PAK2: variants seen among roughly 807,000 people sequenced by gnomAD.
PAK2 encodes the protein serine/threonine-protein kinase PAK 2.
In PAK2, 21 loss-of-function variants were observed where a neutral mutation model predicts 65.9. The observed-to-expected ratio is 0.32, with a 90% CI of 0.23 to 0.46. The LOEUF (loss-of-function observed/expected upper bound fraction) is 0.46, where lower values mean the gene tolerates loss of function less well. Among genes scored for constraint, PAK2 ranks in the 20% least tolerant of loss-of-function variants. The probability of loss-of-function intolerance (pLI) is 1.00; values close to 1 mark genes in which losing one functional copy is unlikely to be tolerated. For synonymous variants in PAK2, 204 were observed against 219.7 expected (o/e 0.93, Z 0.63); for missense variants, 324 against 642.6 (o/e 0.50, Z 5.36).
chr3:196,797,607 C>T (rs1285528041), intron 2 of PAK2, among the ~76,000 whole-genome samples: 1 of 151,920 alleles, frequency 6.6e-6, no homozygotes, highest in Non-Finnish European at 1.5e-5. Context: ...CAAAAATTAG[C>T]CAGGCGTGGT....
intron 1 of PAK2, among the ~76,000 whole-genome samples, chr3:196,742,739 C>G (rs1475676375): frequency 6.6e-6 from 1 of 151,990 alleles, no homozygotes; most frequent in Non-Finnish European, 1.5e-5. Flanking sequence ...ACAGTGAAAC[C>G]CCGTCTCTAC....
chr3:196,811,210 CCCTTCCCTCCCTCCCTTCCCTTCCCTT>C (rs1560113532), intron 8 of PAK2, among the ~76,000 whole-genome samples: 2 of 61,832 alleles, frequency 3.2e-5, no homozygotes, highest in Non-Finnish European at 5.8e-5. Flanking sequence ...TCCCTTCCTT[CCCTTCCCTCCCTCCCTTCCCTTCCCTT>C]CCTTCCCTCC....
chr3:196,820,090 G>A lies in PAK2; in HGVS notation c.1154-281G>A, dbSNP rs940001979. ...GTGTCTACTTTTGCTTTACTTTTTC[G>A]TAGACCTCTTTCAGTTTTATTAAAT... On this transcript the variant is annotated intron_variant, in intron 12 of 14. Coordinates refer to ENST00000327134, the MANE Select transcript of PAK2 (RefSeq NM_002577.4). This position sits in a 1 kb window ranked among gnomAD's most constrained non-coding sequence, Gnocchi z 4.6. Among the ~76,000 whole-genome samples the A allele has an allele frequency of 1.3e-4, 20 of 151,954 alleles. No homozygotes were observed. The highest frequency in any genetic ancestry group is 1.9e-4 in the African/African-American group (8 of 41,378).
At chr3:196,818,336 G>A (rs751797867) in intron 12 of PAK2, among the ~76,000 whole-genome samples, 180 bp downstream of exon 12, 35 of 152,192 alleles carry the variant, frequency 2.3e-4, no homozygotes, top group Middle Eastern at 3.4e-3. Flanking sequence ...GAAAGGACTC[G>A]CTGGATAAGA....
chr3:196,802,672 G>A (rs759175318), intron 3 of PAK2, among the ~76,000 whole-genome samples: 23 of 151,874 alleles, frequency 1.5e-4, no homozygotes, highest in South Asian at 2.1e-4. Context: ...GTGAAACCCC[G>A]TCTCTACTAA....
At chr3:196,762,316 A>G (rs1389237064) in intron 1 of PAK2, among the ~76,000 whole-genome samples, 38 of 134,378 alleles carry the variant, frequency 2.8e-4, no homozygotes, top group African/African-American at 7.3e-4. Flanking sequence ...AGAGGCTGCA[A>G]TCTCGGCACT....
intron 8 of PAK2, among the ~76,000 whole-genome samples, chr3:196,811,218 TCCCTCCCTTCCCTTCCC>T (rs1715783634): frequency 8.1e-5 from 1 of 12,398 alleles, no homozygotes; most frequent in African/African-American, 3.6e-4. Context: ...TTCCCTTCCC[TCCCTCCCTTCCCTTCCC>T]TTCCTTCCCT....
chr3:196,818,038 G>A lies in PAK2; in HGVS notation c.1054-19G>A. On this transcript the variant is annotated intron_variant, in intron 11 of 14. Transcript: ENST00000327134. ...TTTTCAGGGACTATTTCATTAATAGGTGTTTTTCTTCTGTTCAGTGTTTAC... is the reference window on the plus strand; with the variant it reads ...TTTTCAGGGACTATTTCATTAATAGATGTTTTTCTTCTGTTCAGTGTTTAC... 1.0e-6 allele frequency: 1 copy of A among 979,078 alleles called. No homozygotes were observed. 60.6% of individuals were successfully genotyped at this position (979,078 alleles called of 1,614,324 possible).
At chr3:196,751,081 C>T (rs1210735679) in intron 1 of PAK2, among the ~76,000 whole-genome samples, 1 of 152,106 alleles carries the variant, frequency 6.6e-6, no homozygotes, top group Non-Finnish European at 1.5e-5. Flanking sequence ...AATCTGTTTT[C>T]TGTCTCAATG....
At chr3:196,752,766 A>G (rs965942327) in intron 1 of PAK2, among the ~76,000 whole-genome samples, 2 of 151,918 alleles carry the variant, frequency 1.3e-5, no homozygotes, top group South Asian at 2.1e-4. Context: ...ACGCCTGGCT[A>G]ATTTTTATAT....
chr3:196,783,758 T>C (rs897464437), intron 2 of PAK2, among the ~76,000 whole-genome samples: 1 of 152,142 alleles, frequency 6.6e-6, no homozygotes. Flanking sequence ...TTATAACATA[T>C]CTAGTCACCC....
chr3:196,766,234 C>T (rs1435435044), intron 1 of PAK2, among the ~76,000 whole-genome samples: 2 of 152,118 alleles, frequency 1.3e-5, no homozygotes, highest in African/African-American at 2.4e-5. Context: ...CTTCTCAAAA[C>T]TTAGTACCTT....
At chr3:196,799,843 G>A (rs1258243529) in intron 2 of PAK2, among the ~76,000 whole-genome samples, 2 of 152,198 alleles carry the variant, frequency 1.3e-5, no homozygotes, top group East Asian at 3.9e-4. Flanking sequence ...TGAACTCCTG[G>A]CCTTATGTGA....
At chr3:196,828,045 A>G (rs1035386893) in intron 14 of PAK2, among the ~76,000 whole-genome samples, 5 of 143,616 alleles carry the variant, frequency 3.5e-5, no homozygotes, top group Non-Finnish European at 7.6e-5. Flanking sequence ...CATCGTATCA[A>G]TCCTCAGACC....
intron 1 of PAK2, among the ~76,000 whole-genome samples, chr3:196,758,860 G>A (rs1039272427): frequency 3.3e-5 from 5 of 152,032 alleles, no homozygotes; most frequent in Admixed American, 3.3e-4. Context: ...GTTTCACCAT[G>A]TTGCCCAGGC....
intron 10 of PAK2, among the ~76,000 whole-genome samples, chr3:196,813,555 G>C (rs1273882005): frequency 1.3e-5 from 2 of 152,074 alleles, no homozygotes; most frequent in African/African-American, 4.8e-5. Flanking sequence ...TGAAGATAGA[G>C]GTGATTATAG....
intron 1 of PAK2, among the ~76,000 whole-genome samples, chr3:196,755,780 G>A (rs189407077): frequency 3.5e-4 from 52 of 150,364 alleles, no homozygotes; most frequent in Admixed American, 9.3e-4. Flanking sequence ...TTTTTGAGAC[G>A]GAGTCTCGCT....
At chr3:196,812,880 G>A in intron 10 of PAK2, 29 bp downstream of exon 10, 1 of 964,974 alleles carries the variant, frequency 1.0e-6, no homozygotes, top group South Asian at 1.4e-5. Flanking sequence ...TAAACACCGG[G>A]AGAAAATGTA....
chr3:196,771,300 T>A (rs556515123), intron 1 of PAK2, among the ~76,000 whole-genome samples: 9 of 152,174 alleles, frequency 5.9e-5, no homozygotes, highest in African/African-American at 2.2e-4. Context: ...AATTTGTCTT[T>A]TTTTCTCCTT....
Sources: allele counts gnomAD v4.1 joint callset (sites outside exome capture counted in the v4.1 genomes callset), GRCh38; gene constraint gnomAD v4.1.1; non-coding constraint Gnocchi (gnomAD v3.1); transcripts MANE v1.5; gene names NCBI Gene and HGNC (gene_info 2026-07-23, HGNC 2026-07-21).